Variants in GRIK2 observed in about 807,000 individuals in gnomAD.
The protein encoded by GRIK2 is glutamate receptor ionotropic, kainate 2.
In GRIK2, 32 loss-of-function variants were observed where a neutral mutation model predicts 100.3. The observed-to-expected ratio is 0.32, with a 90% CI of 0.24 to 0.43. The LOEUF (loss-of-function observed/expected upper bound fraction) is 0.43, where lower values mean the gene tolerates loss of function less well. Among genes scored for constraint, GRIK2 ranks in the 20% least tolerant of loss-of-function variants. The pLI, the probability that GRIK2 is intolerant of heterozygous loss-of-function variation, is 1.00. For missense variants in GRIK2, 843 were observed against 1,114.9 expected, an observed-to-expected ratio of 0.76 and a Z score of 3.47; for synonymous variants, 417 against 389.4, an observed-to-expected ratio of 1.07 and a Z score of -0.83.
intron 9 of GRIK2, among the ~76,000 whole-genome samples, chr6:101,809,537 C>T (rs548745761): frequency 1.1e-4 from 17 of 152,012 alleles, no homozygotes; most frequent in South Asian, 4.1e-4. Context: ...ACCGGATGCA[C>T]GGCAGTTTTT....
Position 101,780,074 on chromosome 6 carries a change from T to C in GRIK2, c.952-19574T>C, listed in dbSNP as rs1778995511. ...TACTGATATTTTTAGTTTACTTGGT[T>C]AAATTAGAGTTATGTTGAACCCTGA... is the stretch of plus-strand genomic sequence containing the variant. On this transcript the variant is annotated intron_variant, in intron 7 of 16. Coordinates refer to ENST00000369134, the MANE Select transcript of GRIK2 (RefSeq NM_021956.5). Among the ~76,000 whole-genome samples, 3 of 152,194 alleles carry C rather than the reference T, an allele frequency of 2.0e-5. No homozygotes were observed. The South Asian group carries it at 6.2e-4, about 31-fold the overall frequency.
chr6:101,975,793 G>GTCTATCTATCTGTCTGTCTGTCTATCTA (rs1450931270), intron 14 of GRIK2, among the ~76,000 whole-genome samples: 25 of 96,932 alleles, frequency 2.6e-4, no homozygotes, highest in Admixed American at 6.6e-4. Flanking sequence ...CTGTCTGTCT[G>GTCTATCTATCTGTCTGTCTGTCTATCTA]TCTATCTATC....
chr6:101,667,486 T>G (rs1770115242), intron 4 of GRIK2, among the ~76,000 whole-genome samples: 1 of 152,080 alleles, frequency 6.6e-6, no homozygotes, highest in Non-Finnish European at 1.5e-5. Flanking sequence ...AGGATTTGGG[T>G]GTGTTTGAGA....
chr6:101,764,059 A>G (rs1777894512), intron 7 of GRIK2, among the ~76,000 whole-genome samples: 1 of 152,150 alleles, frequency 6.6e-6, no homozygotes, highest in African/African-American at 2.4e-5. Context: ...GGCTTCCCTG[A>G]CACCAGTATC....
At chr6:101,568,613 G>A (rs1398700401) in intron 2 of GRIK2, among the ~76,000 whole-genome samples, 2 of 152,042 alleles carry the variant, frequency 1.3e-5, no homozygotes, top group Non-Finnish European at 2.9e-5. Context: ...ATTTGAAGAT[G>A]TAAATGATGC....
chr6:102,009,225 G>A (rs1795397142), intron 14 of GRIK2, among the ~76,000 whole-genome samples: 1 of 151,952 alleles, frequency 6.6e-6, no homozygotes, highest in Non-Finnish European at 1.5e-5. Context: ...TTGTGGTTCT[G>A]TATCACAGAC....
intron 7 of GRIK2, among the ~76,000 whole-genome samples, chr6:101,792,565 G>C (rs566827739): frequency 6.6e-6 from 1 of 152,026 alleles, no homozygotes; most frequent in South Asian, 2.1e-4. Flanking sequence ...TAGAGTTTCT[G>C]CCGAGAGATC....
chr6:102,027,140 A>T (rs934158691), intron 14 of GRIK2, among the ~76,000 whole-genome samples: 1 of 151,366 alleles, frequency 6.6e-6, no homozygotes, highest in African/African-American at 2.4e-5. Context: ...AAGAATTATT[A>T]TTATAGCACT....
intron 2 of GRIK2, among the ~76,000 whole-genome samples, chr6:101,573,426 G>A (rs1777649849): frequency 6.6e-6 from 1 of 152,088 alleles, no homozygotes; most frequent in African/African-American, 2.4e-5. Context: ...GCTAATTGTT[G>A]AAAGAAGCCA....
intron 11 of GRIK2, among the ~76,000 whole-genome samples, chr6:101,870,489 C>G (rs1038852427): frequency 5.3e-5 from 8 of 151,734 alleles, no homozygotes; most frequent in Non-Finnish European, 1.5e-5. Flanking sequence ...GTGTCAATGT[C>G]TTGTTTGAGG....
intron 7 of GRIK2, among the ~76,000 whole-genome samples, chr6:101,766,234 G>A (rs972608435): frequency 6.6e-6 from 1 of 151,544 alleles, no homozygotes; most frequent in Non-Finnish European, 1.5e-5. Flanking sequence ...TGTTCAGGTT[G>A]CTTTTAGAGC....
intron 10 of GRIK2, among the ~76,000 whole-genome samples, chr6:101,830,977 A>G (rs1025645484): frequency 6.6e-6 from 1 of 151,982 alleles, no homozygotes. Context: ...GGAGGGAGAA[A>G]AAGAGAAAGA....
chr6:101,715,656 T>A (rs770394119), intron 7 of GRIK2, among the ~76,000 whole-genome samples: 3 of 151,808 alleles, frequency 2.0e-5, no homozygotes, highest in Admixed American at 6.6e-5. Flanking sequence ...GCAGTCTTCA[T>A]TAATCCCATG....
intron 7 of GRIK2, among the ~76,000 whole-genome samples, chr6:101,730,648 GT>G (rs545754903): frequency 3.3e-5 from 5 of 149,510 alleles, no homozygotes; most frequent in East Asian, 2.0e-4. Flanking sequence ...ACCCTTTTTT[GT>G]TTTTTTTTGT....
chr6:101,488,218 A>C (rs1263766951), intron 2 of GRIK2, among the ~76,000 whole-genome samples: 2 of 146,494 alleles, frequency 1.4e-5, no homozygotes, highest in Non-Finnish European at 3.0e-5. Context: ...AACTGTTATT[A>C]AAGAATATAA....
intron 9 of GRIK2, among the ~76,000 whole-genome samples, chr6:101,808,145 A>G (rs1781118033): frequency 6.6e-6 from 1 of 152,032 alleles, no homozygotes; most frequent in Non-Finnish European, 1.5e-5. Context: ...CACAAAACTG[A>G]TGGCATAAGA....
intron 13 of GRIK2, chr6:101,927,330 T>TA: frequency 1.3e-6 from 1 of 754,692 alleles, no homozygotes; most frequent in Non-Finnish European, 1.6e-6. Flanking sequence ...ATACTAAAGA[T>TA]ATGACTGTAA....
At chr6:102,039,650 T>G (rs1199906066) in intron 15 of GRIK2, among the ~76,000 whole-genome samples, 4 of 151,558 alleles carry the variant, frequency 2.6e-5, no homozygotes, top group Non-Finnish European at 4.4e-5. Flanking sequence ...CTGCCTGTAC[T>G]TAAAAGCCTT....
intron 14 of GRIK2, among the ~76,000 whole-genome samples, chr6:101,939,236 A>C (rs1417167): frequency 0.034 from 5,213 of 152,082 alleles, 319 homozygotes; most frequent in African/African-American, 0.12. Flanking sequence ...ACATTCCTCA[A>C]TCAATACAGA....
Sources: allele counts gnomAD v4.1 joint callset (sites outside exome capture counted in the v4.1 genomes callset), GRCh38; gene constraint gnomAD v4.1.1; transcripts MANE v1.5; gene names NCBI Gene and HGNC (gene_info 2026-07-23, HGNC 2026-07-21).